The following DYM variants were observed in gnomAD, a reference collection of about 807,000 sequenced individuals.
DYM encodes the protein dymeclin.
Under a neutral mutation model 93.1 loss-of-function variants are expected in DYM, and 78 were observed. That is an observed-to-expected ratio of 0.84 (90% CI 0.70 to 1.01). DYM has a LOEUF of 1.01. DYM is among the 50% of genes least tolerant of loss of function. The probability of loss-of-function intolerance (pLI) is 0.00; values close to 1 mark genes in which losing one functional copy is unlikely to be tolerated. For missense variants in DYM, 789 were observed against 845.0 expected (o/e 0.93, Z 0.82); for synonymous variants, 321 against 319.7 (o/e 1.00, Z -0.04).
rs1600328191 is a variant in DYM at position 49,172,163 on chromosome 18, C to A, written c.1626-8376G>T. Among the ~76,000 whole-genome samples, 3 of 152,288 alleles carry A rather than the reference C, an allele frequency of 2.0e-5. No individual in the cohort carries two copies. In the East Asian group the frequency reaches 5.8e-4, roughly 29 times the overall value. On this transcript the variant is annotated intron_variant, in intron 14 of 17. Coordinates refer to ENST00000675505, the MANE Select transcript of DYM (RefSeq NM_001353214.3). ...TTTGTGTCTGCCATCTATCACTCAG[C>A]ATAATGCTTTTCAAATGCATCCATG... is the stretch of plus-strand genomic sequence containing the variant.
intron 17 of DYM, among the ~76,000 whole-genome samples, chr18:49,072,581 C>T (rs923509577): frequency 2.6e-5 from 4 of 152,214 alleles, no homozygotes; most frequent in Non-Finnish European, 5.9e-5. Context: ...TTGGAAGAAA[C>T]CAGATTTCGT....
chr18:49,313,153 A>G (rs1446740734), intron 8 of DYM, among the ~76,000 whole-genome samples: 1 of 152,114 alleles, frequency 6.6e-6, no homozygotes, highest in Non-Finnish European at 1.5e-5. Context: ...TACAGGTCAT[A>G]AAGACCTTGC....
At chr18:49,117,018 T>C (rs555393082) in intron 16 of DYM, among the ~76,000 whole-genome samples, 6 of 152,174 alleles carry the variant, frequency 3.9e-5, no homozygotes, top group African/African-American at 1.4e-4. Flanking sequence ...ATCCTAAATA[T>C]CAGTGAAGCT....
At position 49,041,668 on chromosome 18, in the gene DYM, G is replaced by A. The variant is rs1305547931; in HGVS notation, c.*2387C>T. 6.6e-6 allele frequency: 1 copy of A among 152,226 alleles called. No individual in the cohort carries two copies. The highest frequency in any genetic ancestry group is 2.4e-5 in the African/African-American group (1 of 41,446). 9.4% of individuals were successfully genotyped at this position (152,226 alleles called of 1,614,324 possible). A position where few individuals can be genotyped will look rare whatever the true frequency, so the allele number is the denominator to read the frequency against. On this transcript the variant is annotated 3_prime_UTR_variant, in exon 18 of 18. Transcript: ENST00000675505. Reference sequence around the variant, plus strand: ...TGCCCCAGCTGAGCTGTTAGCTAGTGAGTGCTTCTACTGTGTGATGAATGA... The same window carrying A: ...TGCCCCAGCTGAGCTGTTAGCTAGTAAGTGCTTCTACTGTGTGATGAATGA...
At chr18:49,056,843 G>A (rs543622045) in intron 17 of DYM, among the ~76,000 whole-genome samples, 4 of 152,230 alleles carry the variant, frequency 2.6e-5, no homozygotes, top group African/African-American at 7.2e-5. Context: ...CACCGCGCCC[G>A]GCCACACCTG....
chr18:49,395,353 G>A (rs1307605042), intron 2 of DYM, among the ~76,000 whole-genome samples: 1 of 152,112 alleles, frequency 6.6e-6, no homozygotes, highest in East Asian at 1.9e-4. Context: ...CACAAGGCCA[G>A]GCGCAGTGGC....
At chr18:49,420,739 G>A (rs1235752220) in intron 2 of DYM, among the ~76,000 whole-genome samples, 1 of 152,154 alleles carries the variant, frequency 6.6e-6, no homozygotes, top group East Asian at 1.9e-4. Flanking sequence ...CACCAGGGAA[G>A]TGCAAGGAAT....
chr18:49,433,770 A>T lies in DYM; in HGVS notation c.-53-3323T>A, dbSNP rs113861340. Among the ~76,000 whole-genome samples, 1,082 of 152,276 alleles carry T rather than the reference A, an allele frequency of 7.1e-3. 12 individuals are homozygous for T. Among genetic ancestry groups the T allele is most frequent in the African/African-American group, 0.025 (1,045 of 41,554 alleles). On this transcript the variant is annotated intron_variant, in intron 1 of 17. Transcript: ENST00000675505. ...ATAATCCCAGCTCCTCAGGAGGCTA[A>T]GGCACGAGAATCACCTGAACCTGGG...
At chr18:49,144,593 G>T (rs1461636111) in intron 15 of DYM, among the ~76,000 whole-genome samples, 2 of 152,076 alleles carry the variant, frequency 1.3e-5, no homozygotes, top group African/African-American at 2.4e-5. Flanking sequence ...TAGAAATCTG[G>T]TTGTTACAGA....
chr18:49,163,635 T>A (rs768566559), intron 15 of DYM, 50 bp downstream of exon 15: 1 of 1,258,592 alleles, frequency 7.9e-7, no homozygotes. Flanking sequence ...GGAGTTACTG[T>A]GCCTGGCTGA....
intron 2 of DYM, among the ~76,000 whole-genome samples, chr18:49,404,094 G>A (rs947341036): frequency 1.3e-5 from 2 of 151,728 alleles, no homozygotes; most frequent in African/African-American, 2.4e-5. Context: ...TGCAACCTCC[G>A]CCTCCCGGAT....
chr18:49,271,517 A>G (rs538406045), intron 11 of DYM, among the ~76,000 whole-genome samples: 6 of 152,248 alleles, frequency 3.9e-5, no homozygotes, highest in Non-Finnish European at 7.4e-5. Flanking sequence ...AAATCACAAT[A>G]TAAGTATGTT....
At chr18:49,098,955 G>C (rs1301950857) in intron 16 of DYM, among the ~76,000 whole-genome samples, 1 of 152,058 alleles carries the variant, frequency 6.6e-6, no homozygotes, top group Non-Finnish European at 1.5e-5. Flanking sequence ...ATCTTCACAG[G>C]TTGTAAACTG....
At chr18:49,267,759 C>A (rs75023778) in intron 11 of DYM, among the ~76,000 whole-genome samples, 14,388 of 151,996 alleles carry the variant, frequency 0.095, 884 homozygotes, top group East Asian at 0.31. Flanking sequence ...TTAGCCAGGC[C>A]TGGTGGCGTG....
At chr18:49,190,069 C>T (rs977035771) in intron 14 of DYM, among the ~76,000 whole-genome samples, 1 of 152,202 alleles carries the variant, frequency 6.6e-6, no homozygotes, top group Non-Finnish European at 1.5e-5. Flanking sequence ...AAGAAAACAG[C>T]AAGATAATCA....
intron 15 of DYM, among the ~76,000 whole-genome samples, chr18:49,123,737 G>T (rs1471169822): frequency 6.6e-6 from 1 of 152,154 alleles, no homozygotes; most frequent in African/African-American, 2.4e-5. Flanking sequence ...CAAAGGGGAG[G>T]AGATGAGACT....
intron 5 of DYM, among the ~76,000 whole-genome samples, chr18:49,370,298 A>AG (rs1182035041): frequency 1.3e-5 from 2 of 148,274 alleles, no homozygotes; most frequent in Admixed American, 1.3e-4. Flanking sequence ...AAAAAAAAAA[A>AG]ACAAAACAGG....
chr18:49,089,738 C>T (rs2078871427), intron 17 of DYM, among the ~76,000 whole-genome samples: 1 of 152,160 alleles, frequency 6.6e-6, no homozygotes, highest in Non-Finnish European at 1.5e-5. Context: ...GGTGACTGTT[C>T]ATTAATTAAG....
chr18:49,356,704 G>C (rs2065600651), intron 6 of DYM, among the ~76,000 whole-genome samples: 1 of 152,106 alleles, frequency 6.6e-6, no homozygotes, highest in Non-Finnish European at 1.5e-5. Context: ...TGACTCTTTA[G>C]GTTCTTGAAC....
Sources: gnomAD v4.1 joint callset for allele counts (sites outside exome capture counted in the v4.1 genomes callset) on GRCh38, gnomAD v4.1.1 for gene constraint, MANE v1.5 for transcripts, NCBI Gene and HGNC (gene_info 2026-07-23, HGNC 2026-07-21) for gene names.